Variants in EFTUD2 observed in about 807,000 individuals in gnomAD.
EFTUD2 encodes 116 kDa U5 small nuclear ribonucleoprotein component.
EFTUD2 carries 9 observed loss-of-function variants against 114.3 expected under a neutral mutation model. The ratio of observed to expected loss-of-function variants is 0.08; its 90% CI spans 0.05 to 0.14. The LOEUF (loss-of-function observed/expected upper bound fraction) is 0.14, where lower values mean the gene tolerates loss of function less well. Among genes scored for constraint, EFTUD2 ranks in the 10% least tolerant of loss-of-function variants. The pLI is 1.00. For synonymous variants in EFTUD2, 449 were observed against 462.3 expected (o/e 0.97, Z 0.37); for missense variants, 765 against 1,241.2 (o/e 0.62, Z 5.76).
At chr17:44,877,138 G>A (rs2050975465) in intron 9 of EFTUD2, among the ~76,000 whole-genome samples, 1 of 152,034 alleles carries the variant, frequency 6.6e-6, no homozygotes, top group Non-Finnish European at 1.5e-5. Context: ...CGAGGCTGCT[G>A]TGAGGTATAA....
chr17:44,876,136 A>T (rs1165650701), intron 9 of EFTUD2, 36 bp from the exon 10 acceptor site: 3 of 1,586,548 alleles, frequency 1.9e-6, no homozygotes, highest in Non-Finnish European at 2.6e-6. Flanking sequence ...GGTAAGAAGA[A>T]CAAGGAGGGC....
At chr17:44,866,894 A>G (rs954499736) in intron 13 of EFTUD2, among the ~76,000 whole-genome samples, 1 of 152,198 alleles carries the variant, frequency 6.6e-6, no homozygotes, top group East Asian at 1.9e-4. Flanking sequence ...ACTTGAGGCT[A>G]CAAGTTTGAG....
chr17:44,882,274 T>C (rs12452911), intron 6 of EFTUD2, among the ~76,000 whole-genome samples: 101,089 of 151,878 alleles, frequency 0.67, 34,426 homozygotes, highest in African/African-American at 0.81. Flanking sequence ...TTTTTTGAGA[T>C]GGAGTCTCAC....
chr17:44,853,193 A>G (rs1383556358), intron 25 of EFTUD2, 103 bp downstream of exon 25: 2 of 1,187,524 alleles, frequency 1.7e-6, no homozygotes, highest in African/African-American at 3.1e-5. Context: ...TTCCAGAGAG[A>G]GGAGGGTAGA....
At chr17:44,865,272 T>TA in intron 13 of EFTUD2, 1 of 576,306 alleles carries the variant, frequency 1.7e-6, no homozygotes, top group Non-Finnish European at 2.9e-6. Flanking sequence ...CCAACTTGGT[T>TA]ACATCCCCAT....
intron 9 of EFTUD2, among the ~76,000 whole-genome samples, chr17:44,876,862 A>AC (rs1348137309): frequency 2.8e-4 from 32 of 114,634 alleles, no homozygotes; most frequent in African/African-American, 5.3e-4. Context: ...TCTCAAAAAA[A>AC]AAAAAAAAAA....
At position 44,867,829 on chromosome 17, in the gene EFTUD2, G is replaced by A; in HGVS notation, c.1127C>T (p.Pro376Leu). 6.2e-7 allele frequency: 1 copy of A among 1,603,374 alleles called. No individual in the cohort carries two copies. The highest frequency in any genetic ancestry group is 8.5e-7 in the Non-Finnish European group (1 of 1,174,692). The change falls in exon 13 of 28, where the codon CCT becomes CTT. Residue 376 changes from proline (P) to leucine (L), a missense_variant. Physicochemically the swap from Pro to Leu is moderately conservative, Grantham distance 98. Coordinates refer to ENST00000426333, the MANE Select transcript of EFTUD2 (RefSeq NM_004247.4). ...QRSFVEFILE[P>L]LYKILAQVVG... ...CACCTGGGCGAGGATCTTATAAAGAGGCTCCAAGATAAACTCCACGAAACT... is the reference window on the plus strand; with the variant it reads ...CACCTGGGCGAGGATCTTATAAAGAAGCTCCAAGATAAACTCCACGAAACT...
rs545167482 is a variant in EFTUD2 at position 44,878,466 on chromosome 17, A to G, written c.702+1090T>C. 6.2e-4 allele frequency among the ~76,000 whole-genome samples: 94 copies of G among 152,338 alleles called. 3 individuals carry two copies. In the South Asian group the frequency reaches 0.012, roughly 20 times the overall value. ...GTTATGCATCACTCTGGATTAGGGG[A>G]AAAAATTCTATAACGGAAATTGTTG... On this transcript the variant is annotated intron_variant, in intron 9 of 27. Transcript: ENST00000426333.
chr17:44,863,497 G>A (rs2050693282), intron 15 of EFTUD2, 158 bp downstream of exon 15: 7 of 993,226 alleles, frequency 7.0e-6, no homozygotes, highest in African/African-American at 1.6e-5. Context: ...TAGCACTAGC[G>A]GTGGCAACAT....
rs111955421 is a variant in EFTUD2, at chr17:44,879,766, C to T, written c.620-128G>A. On this transcript the variant is annotated intron_variant, in intron 8 of 27. Coordinates refer to ENST00000426333, the MANE Select transcript of EFTUD2 (RefSeq NM_004247.4). ...ATATCCCCTTTCCTCCTCGCCATAA[C>T]CCCCCACAGGGTAAAAATATCCCCC... 3,222 of 856,686 alleles carry T rather than the reference C, an allele frequency of 3.8e-3. 32 individuals are homozygous for T. The highest frequency in any genetic ancestry group is 0.018 in the Middle Eastern group (82 of 4,478). The allele number at this position is 856,686 out of a possible 1,614,324, so 53.1% of individuals were successfully genotyped here.
intron 4 of EFTUD2, chr17:44,884,045 T>A: frequency 3.3e-6 from 1 of 307,486 alleles, no homozygotes; most frequent in Non-Finnish European, 6.4e-6. Context: ...GGTGGGTGGA[T>A]TACCTGAGGT....
At position 44,872,431 on chromosome 17, in the gene EFTUD2, C is replaced by T. The variant is rs1449074380; in HGVS notation, c.994+15G>A. 1.2e-6 allele frequency: 2 copies of T among 1,610,246 alleles called. No individual in the cohort carries two copies. Among genetic ancestry groups the T allele is most frequent in the Non-Finnish European group, 1.7e-6 (2 of 1,177,588 alleles). Reference sequence around the variant, plus strand: ...CAGGGGAAGCTGGTGAGACAGACTGCCAGCCAGCGCTTACCAAAGGTGTCG... The same window carrying T: ...CAGGGGAAGCTGGTGAGACAGACTGTCAGCCAGCGCTTACCAAAGGTGTCG... On this transcript the variant is annotated intron_variant, in intron 11 of 27. Transcript: ENST00000426333.
chr17:44,879,274 C>T (rs1042020697), intron 9 of EFTUD2, among the ~76,000 whole-genome samples: 19 of 152,068 alleles, frequency 1.2e-4, no homozygotes, highest in African/African-American at 3.9e-4. Flanking sequence ...TTGGTAGAGA[C>T]GGGGTTTCGC....
At chr17:44,860,239 A>G in intron 17 of EFTUD2, 193 bp downstream of exon 17, 1 of 815,160 alleles carries the variant, frequency 1.2e-6, no homozygotes, top group Non-Finnish European at 1.9e-6. Flanking sequence ...GAGGAGGAAA[A>G]TAATAAAAGG....
At chr17:44,870,081 C>T (rs2050819922) in intron 11 of EFTUD2, among the ~76,000 whole-genome samples, 1 of 152,166 alleles carries the variant, frequency 6.6e-6, no homozygotes, top group Non-Finnish European at 1.5e-5. Flanking sequence ...TCAATGATCT[C>T]TTCAATATTC....
At chr17:44,867,749 G>C in intron 13 of EFTUD2, 58 bp downstream of exon 13, 1 of 1,379,748 alleles carries the variant, frequency 7.2e-7, no homozygotes, top group East Asian at 2.6e-5. Flanking sequence ...GAGTTCACCA[G>C]CTCTTCCACA....
chr17:44,860,900 A>C (rs967375821), intron 16 of EFTUD2, among the ~76,000 whole-genome samples: 2 of 152,084 alleles, frequency 1.3e-5, no homozygotes, highest in African/African-American at 4.8e-5. Context: ...CATCCAGCCT[A>C]TTCCACAAAA....
intron 14 of EFTUD2, 184 bp from the exon 15 acceptor site, chr17:44,863,966 G>T: frequency 1.4e-6 from 1 of 715,170 alleles, no homozygotes. Context: ...AAGATTTGGA[G>T]TCACCCTGAT....
intron 11 of EFTUD2, among the ~76,000 whole-genome samples, chr17:44,870,816 G>A (rs1244162128): frequency 2.6e-5 from 4 of 152,092 alleles, no homozygotes; most frequent in East Asian, 3.9e-4. Flanking sequence ...TCAGGAGTTC[G>A]AGACCAGCCT....
Sources: gnomAD v4.1 joint callset for allele counts (sites outside exome capture counted in the v4.1 genomes callset) on GRCh38, gnomAD v4.1.1 for gene constraint, MANE v1.5 for transcripts, NCBI Gene and HGNC (gene_info 2026-07-23, HGNC 2026-07-21) for gene names.